Variants in GJC1 observed in about 807,000 individuals in gnomAD.
The protein encoded by GJC1 is gap junction gamma-1 protein.
In GJC1, 5 loss-of-function variants were observed where a neutral mutation model predicts 29.3. That is an observed-to-expected ratio of 0.17 (90% CI 0.09 to 0.36). GJC1 has a LOEUF of 0.36. Ranked by LOEUF, GJC1 falls within the 10% of genes least tolerant of loss-of-function variation. The probability of loss-of-function intolerance (pLI) is 1.00; values close to 1 mark genes in which losing one functional copy is unlikely to be tolerated. For missense variants in GJC1, 310 were observed against 496.2 expected (o/e 0.62, Z 3.56); for synonymous variants, 177 against 183.3 (o/e 0.97, Z 0.28).
downstream of GJC1, among the ~76,000 whole-genome samples, chr17:44,797,255 G>A (rs1387881626): frequency 3.3e-5 from 5 of 152,014 alleles, no homozygotes; most frequent in South Asian, 2.1e-4. Context: ...ACAGGTGCCC[G>A]CCACCATGGC....
At chr17:44,823,701 C>A (rs1022404474) in intron 1 of GJC1, among the ~76,000 whole-genome samples, 1 of 151,704 alleles carries the variant, frequency 6.6e-6, no homozygotes, top group Non-Finnish European at 1.5e-5. Flanking sequence ...CCATGCCTGG[C>A]CTTTCTTTCC....
At chr17:44,831,140 T>A (rs1042151814), upstream of GJC1, among the ~76,000 whole-genome samples, 6 of 152,172 alleles carry the variant, frequency 3.9e-5, no homozygotes, top group Non-Finnish European at 5.9e-5. Context: ...CGCTAACAAG[T>A]GAGGTTACTT....
downstream of GJC1, chr17:44,794,981 G>A (rs994289840): frequency 6.6e-6 from 1 of 152,188 alleles, no homozygotes; most frequent in Non-Finnish European, 1.5e-5. Context: ...CGTTTCCTTA[G>A]GATCCAGGGG....
At chr17:44,806,133 C>A (rs969666342) in intron 2 of GJC1, among the ~76,000 whole-genome samples, 2 of 152,008 alleles carry the variant, frequency 1.3e-5, no homozygotes, top group African/African-American at 4.8e-5. Context: ...ATTACCCGGG[C>A]ACGGTGGTGT....
At chr17:44,798,337 A>T (rs1217011142), downstream of GJC1, 3 of 152,196 alleles carry the variant, frequency 2.0e-5, no homozygotes, top group Admixed American at 6.6e-5. Context: ...TATATCACTA[A>T]GCTCTTGGGT....
chr17:44,812,493 C>CA (rs2049994605), intron 1 of GJC1, among the ~76,000 whole-genome samples: 1 of 152,084 alleles, frequency 6.6e-6, no homozygotes, highest in Admixed American at 6.6e-5. Context: ...CAATCTCAGG[C>CA]ATAAATGGGT....
chr17:44,829,070 G>C (rs565755204), intron 1 of GJC1, among the ~76,000 whole-genome samples: 48 of 150,766 alleles, frequency 3.2e-4, no homozygotes, highest in African/African-American at 1.1e-3. Context: ...CCCTCAGCCT[G>C]AACTTATTCA....
At chr17:44,809,836 G>C (rs2049954224) in intron 1 of GJC1, among the ~76,000 whole-genome samples, 1 of 151,832 alleles carries the variant, frequency 6.6e-6, no homozygotes, top group Non-Finnish European at 1.5e-5. Flanking sequence ...CGAAGTGCTG[G>C]GATTACAGGC....
At chr17:44,826,254 CG>C (rs1955796961) in intron 1 of GJC1, among the ~76,000 whole-genome samples, 1 of 152,078 alleles carries the variant, frequency 6.6e-6, no homozygotes, top group African/African-American at 2.4e-5. Flanking sequence ...AAATGCTGGC[CG>C]GGCACGGTGG....
intron 1 of GJC1, among the ~76,000 whole-genome samples, chr17:44,814,926 A>C (rs2050025594): frequency 6.6e-6 from 1 of 151,768 alleles, no homozygotes; most frequent in African/African-American, 2.4e-5. Flanking sequence ...TGGGTGAAAG[A>C]GCAAGACTCA....
downstream of GJC1, among the ~76,000 whole-genome samples, chr17:44,798,034 G>A (rs1485023338): frequency 6.6e-6 from 1 of 152,148 alleles, no homozygotes; most frequent in Admixed American, 6.5e-5. Flanking sequence ...CTTGCAGAAG[G>A]CACTCCAGGA....
chr17:44,808,761 T>C (rs761902484), intron 1 of GJC1, among the ~76,000 whole-genome samples: 3 of 151,668 alleles, frequency 2.0e-5, no homozygotes, highest in Admixed American at 6.6e-5. Flanking sequence ...CCTCAAAAAA[T>C]AAAGAAGCAA....
chr17:44,813,101 C>A (rs925149122), intron 1 of GJC1: 1 of 151,940 alleles, frequency 6.6e-6, no homozygotes, highest in Admixed American at 6.6e-5. Context: ...AGACAAGAGT[C>A]TCTGTCACCC....
chr17:44,806,407 T>TG (rs2049913586), intron 2 of GJC1, among the ~76,000 whole-genome samples: 1 of 150,746 alleles, frequency 6.6e-6, no homozygotes, highest in Non-Finnish European at 1.5e-5. Context: ...GTTTGTTTTT[T>TG]TTTTTTTTTT....
At chr17:44,795,345 T>G (rs535527501), downstream of GJC1, among the ~76,000 whole-genome samples, 2 of 149,854 alleles carry the variant, frequency 1.3e-5, no homozygotes, top group Non-Finnish European at 3.0e-5. Context: ...ACAATTCTCT[T>G]GCCTCAGCCT....
At chr17:44,796,990 G>T (rs2049787596), downstream of GJC1, among the ~76,000 whole-genome samples, 1 of 152,128 alleles carries the variant, frequency 6.6e-6, no homozygotes. Context: ...CGGACTACAG[G>T]TGAGTACTAC....
chr17:44,829,878 T>TC (rs1479850288), intron 1 of GJC1, among the ~76,000 whole-genome samples, 184 bp downstream of exon 1: 1 of 151,644 alleles, frequency 6.6e-6, no homozygotes, highest in Non-Finnish European at 1.5e-5. Context: ...GCGACGCCCC[T>TC]CCGGACTCGG....
At chr17:44,796,624 G>C (rs1041478117), downstream of GJC1, among the ~76,000 whole-genome samples, 1 of 152,130 alleles carries the variant, frequency 6.6e-6, no homozygotes, top group African/African-American at 2.4e-5. Flanking sequence ...GAATCACCAG[G>C]TAATTTGGGG....
rs1036716512 is a variant in GJC1 at position 44,804,055 on chromosome 17, C to T, written c.*572G>A. 2.6e-5 allele frequency: 4 copies of T among 152,164 alleles called. No homozygotes were observed. The highest frequency in any genetic ancestry group is 9.7e-5 in the African/African-American group (4 of 41,424). The allele number at this position is 152,164 out of a possible 1,614,324, so 9.4% of individuals were successfully genotyped here. A position where few individuals can be genotyped will look rare whatever the true frequency, so the allele number is the denominator to read the frequency against. ...TCAACCTCCTTCTACTGTGAACTTGCTTTCCAAGACTAAAAACTGGTATCT... is the reference window on the plus strand; with the variant it reads ...TCAACCTCCTTCTACTGTGAACTTGTTTTCCAAGACTAAAAACTGGTATCT... On this transcript the variant is annotated 3_prime_UTR_variant, in exon 3 of 3. Transcript: ENST00000592524.
Sources: allele counts gnomAD v4.1 joint callset (sites outside exome capture counted in the v4.1 genomes callset), GRCh38; gene constraint gnomAD v4.1.1; transcripts MANE v1.5; gene names NCBI Gene and HGNC (gene_info 2026-07-23, HGNC 2026-07-21).